The following GYS2 variants were observed in gnomAD, a reference collection of about 807,000 sequenced individuals.
The protein encoded by GYS2 is glycogen synthase 2, also known as glycogen [starch] synthase, liver.
In GYS2, 80 loss-of-function variants were observed where a neutral mutation model predicts 85.6. That is an observed-to-expected ratio of 0.93 (90% confidence interval 0.78 to 1.13). The LOEUF is 1.13. Among genes scored for constraint, GYS2 ranks in the 50% most tolerant of loss-of-function variants. The probability of loss-of-function intolerance (pLI) is 0.00; values close to 1 mark genes in which losing one functional copy is unlikely to be tolerated. For missense variants in GYS2, 881 were observed against 854.9 expected (o/e 1.03, Z -0.38); for synonymous variants, 328 against 300.7 (o/e 1.09, Z -0.94).
Position 21,539,268 on chromosome 12 carries a change from G to A in GYS2, c.1880C>T (p.Ser627Leu), listed in dbSNP as rs182582633. The change falls in exon 15 of 16, where the codon TCA becomes TTA. Residue 627 changes from serine (S) to leucine (L), a missense_variant. Ser to Leu is a moderately radical substitution (Grantham distance 145). Coordinates refer to ENST00000261195, the MANE Select transcript of GYS2 (RefSeq NM_021957.4). ...ACATTGAATATTTACCGTTGGTGGT[G>A]ATGTTAGTTCCACATGGAATTTATC... is the stretch of plus-strand genomic sequence containing the variant. ...FPDKFHVELTSPPTTEGFKYP... is the reference protein window; with the variant it reads ...FPDKFHVELTLPPTTEGFKYP... 4.0e-5 allele frequency: 63 copies of A among 1,558,318 alleles called. No homozygotes were observed. In the East Asian group the frequency reaches 1.2e-3, roughly 29 times the overall value.
chr12:21,562,480 T>C (rs536326567), intron 7 of GYS2, among the ~76,000 whole-genome samples: 30 of 152,296 alleles, frequency 2.0e-4, no homozygotes, highest in African/African-American at 7.2e-4. Context: ...AGGATGCGTA[T>C]TGTCATGTGC....
chr12:21,594,206 C>T (rs994479708), intron 1 of GYS2, among the ~76,000 whole-genome samples: 28 of 152,098 alleles, frequency 1.8e-4, no homozygotes, highest in Non-Finnish European at 7.4e-5. Context: ...AGGATGCCCA[C>T]TTCCATCACT....
chr12:21,584,790 C>G (rs779050052), intron 1 of GYS2, among the ~76,000 whole-genome samples: 4 of 152,170 alleles, frequency 2.6e-5, no homozygotes, highest in Non-Finnish European at 5.9e-5. Flanking sequence ...GCCAAGACTA[C>G]CATCCATGGA....
intron 1 of GYS2, among the ~76,000 whole-genome samples, chr12:21,587,104 A>G (rs182129980): frequency 4.6e-5 from 7 of 152,338 alleles, no homozygotes; most frequent in Non-Finnish European, 7.3e-5. Context: ...GTATGTTCTC[A>G]TTTAGTGAGA....
At position 21,558,211 on chromosome 12, in the gene GYS2, CTG is replaced by C; in HGVS notation, c.1409_1410del (p.Thr470ArgfsTer2). 6.3e-7 allele frequency: 1 copy of C among 1,597,088 alleles called. No individual in the cohort carries two copies. The highest frequency in any genetic ancestry group is 8.6e-7 in the Non-Finnish European group (1 of 1,164,500). ...ACAATTTGTTCTACCTTGACTCTAT[CTG>C]TGCGGTTGTTGAAAAGTCCAATCCG... The part of the protein sequence containing the change: ...IRRIGLFNNR[T>X]DRVKVILHPE... On this transcript the variant is annotated frameshift_variant, in exon 11 of 16. Transcript: ENST00000261195. LOFTEE classifies it high-confidence loss of function.
rs2136830159 is a variant in GYS2, at chr12:21,536,507, C to A, written c.*447G>T. On this transcript the variant is annotated 3_prime_UTR_variant, in exon 16 of 16. Transcript: ENST00000261195. The stretch of plus-strand genomic sequence containing the variant: ...AAAAATGAAAATAATCAGTAAAAAC[C>A]TAGCTATTTAAAAAATGTAGGTAGT... 5.3e-6 allele frequency: 1 copy of A among 187,652 alleles called. No individual in the cohort carries two copies. Among genetic ancestry groups the A allele is most frequent in the South Asian group, 1.1e-4 (1 of 8,952 alleles). The allele number at this position is 187,652 out of a possible 1,614,324, so 11.6% of individuals were successfully genotyped here.
intron 11 of GYS2, among the ~76,000 whole-genome samples, chr12:21,549,917 C>T (rs887804219): frequency 6.6e-6 from 1 of 152,086 alleles, no homozygotes; most frequent in African/African-American, 2.4e-5. Flanking sequence ...TATTTCGAAG[C>T]TGTGTAAATC....
intron 4 of GYS2, among the ~76,000 whole-genome samples, chr12:21,570,216 G>A (rs1214650322): frequency 6.6e-6 from 1 of 152,162 alleles, no homozygotes; most frequent in Non-Finnish European, 1.5e-5. Context: ...TGACATGCTT[G>A]GATCAGCAGA....
intron 11 of GYS2, among the ~76,000 whole-genome samples, chr12:21,557,616 C>T (rs1433030889): frequency 1.3e-5 from 2 of 152,110 alleles, no homozygotes; most frequent in Non-Finnish European, 2.9e-5. Flanking sequence ...TAAGTAATTT[C>T]TGGCCGGGCG....
In GYS2 at chr12:21,562,968, C is replaced by T. The variant is rs370654455; in HGVS notation, c.1012G>A (p.Gly338Arg). Residue 338 changes from glycine (G) to arginine (R), a missense_variant, in exon 7 of 16, where the codon GGA becomes AGA. Gly to Arg is a moderately radical substitution (Grantham distance 125, BLOSUM62 -2). Coordinates refer to ENST00000261195, the MANE Select transcript of GYS2 (RefSeq NM_021957.4). ...IAGRYEFSNKGADIFLESLSR... is the reference protein window; with the variant it reads ...IAGRYEFSNKRADIFLESLSR... ...AAGGATTCTAGGAAGATGTCAGCTC[C>T]TTTGTTTGAAAACTCATACCTCCCA... 6.8e-6 allele frequency: 11 copies of T among 1,612,554 alleles called. No individual in the cohort carries two copies. Among genetic ancestry groups the T allele is most frequent in the Non-Finnish European group, 9.3e-6 (11 of 1,178,782 alleles).
At chr12:21,550,047 T>C in intron 11 of GYS2, among the ~76,000 whole-genome samples, 1 of 152,176 alleles carries the variant, frequency 6.6e-6, no homozygotes, top group East Asian at 1.9e-4. Context: ...TTGTCCATGA[T>C]TTGGCCAGTG....
chr12:21,559,322 T>G (rs1944222993), intron 9 of GYS2, among the ~76,000 whole-genome samples, 153 bp from the exon 10 acceptor site: 1 of 152,032 alleles, frequency 6.6e-6, no homozygotes, highest in African/African-American at 2.4e-5. Context: ...GACTTAATAT[T>G]TAAGTACATA....
At chr12:21,579,903 G>C (rs1329214874) in intron 2 of GYS2, among the ~76,000 whole-genome samples, 1 of 152,160 alleles carries the variant, frequency 6.6e-6, no homozygotes, top group Non-Finnish European at 1.5e-5. Context: ...CAGCTTCTGA[G>C]GATTAAGACT....
chr12:21,585,571 A>G (rs1944563283), intron 1 of GYS2, among the ~76,000 whole-genome samples: 1 of 151,868 alleles, frequency 6.6e-6, no homozygotes, highest in African/African-American at 2.4e-5. Flanking sequence ...AAAAAAAAAA[A>G]AAAAAAAGAC....
chr12:21,546,434 G>A lies in GYS2; in HGVS notation c.1459C>T (p.Pro487Ser). 2 of 1,597,426 alleles carry A rather than the reference G, an allele frequency of 1.3e-6. No individual in the cohort carries two copies. Among genetic ancestry groups the A allele is most frequent in the South Asian group, 2.2e-5 (2 of 90,318 alleles). Reference protein sequence around the residue: ...LHPEFLSSTSPLLPMDYEEFV... With the variant: ...LHPEFLSSTSSLLPMDYEEFV... The stretch of plus-strand genomic sequence containing the variant: ...TCTTCATAGTCCATGGGTAGTAAGG[G>A]ACTGGTGGAGGATAGAAACTCTGGG... Residue 487 changes from proline to serine, a missense_variant, in exon 12 of 16, where the codon CCC (proline) becomes TCC (serine). Transcript: ENST00000261195.
intron 1 of GYS2, among the ~76,000 whole-genome samples, chr12:21,583,742 A>T (rs879630589): frequency 8.5e-5 from 13 of 152,222 alleles, no homozygotes; most frequent in Non-Finnish European, 1.6e-4. Context: ...TGAGTCATCA[A>T]GTCACCATGT....
chr12:21,555,106 A>T (rs1160855862), intron 11 of GYS2, among the ~76,000 whole-genome samples: 1 of 152,138 alleles, frequency 6.6e-6, no homozygotes, highest in Non-Finnish European at 1.5e-5. Flanking sequence ...TGTGACACAA[A>T]ATGTTCTGAG....
intron 13 of GYS2, among the ~76,000 whole-genome samples, chr12:21,541,461 G>A (rs1423654587): frequency 6.6e-6 from 1 of 151,660 alleles, no homozygotes. Flanking sequence ...AATAATAACA[G>A]TAATGATAAC....
chr12:21,578,156 G>C (rs899564253), intron 2 of GYS2, among the ~76,000 whole-genome samples: 1 of 152,104 alleles, frequency 6.6e-6, no homozygotes, highest in African/African-American at 2.4e-5. Context: ...CTGTGTTTCT[G>C]CCAGTGTATA....
Sources: allele counts gnomAD v4.1 joint callset (sites outside exome capture counted in the v4.1 genomes callset), GRCh38; gene constraint gnomAD v4.1.1; transcripts MANE v1.5; gene names NCBI Gene and HGNC (gene_info 2026-07-23, HGNC 2026-07-21).